The following ABCA13 variants were observed in gnomAD, a reference collection of about 807,000 sequenced individuals.
ABCA13 encodes the protein ATP-binding cassette sub-family A member 13.
In ABCA13, 476 loss-of-function variants were observed where a neutral mutation model predicts 478.7. That is an observed-to-expected ratio of 0.99 (90% CI 0.92 to 1.07). The LOEUF is 1.07. ABCA13 is among the 50% of genes least tolerant of loss of function. The pLI is 0.00. For missense variants in ABCA13, 6,060 were observed against 5,910.6 expected (o/e 1.03, Z -0.83); for synonymous variants, 2,252 against 2,158.9 (o/e 1.04, Z -1.20).
intron 24 of ABCA13, among the ~76,000 whole-genome samples, chr7:48,312,138 G>A (rs777023037): frequency 3.3e-5 from 5 of 152,150 alleles, no homozygotes; most frequent in Admixed American, 2.0e-4. Context: ...CTGTGATCCC[G>A]GAGCCCTGAA....
intron 41 of ABCA13, 140 bp from the exon 42 acceptor site, chr7:48,427,626 A>G (rs553972747): frequency 3.2e-6 from 2 of 615,652 alleles, no homozygotes; most frequent in Admixed American, 5.2e-5. Flanking sequence ...TATGCCAATT[A>G]AATGGATGGC....
At chr7:48,643,415 A>G (rs1795241632) in intron 60 of ABCA13, 22 bp downstream of exon 60, 7 of 1,546,872 alleles carry the variant, frequency 4.5e-6, no homozygotes, top group Non-Finnish European at 6.2e-6. Context: ...ATCTTGTATT[A>G]TTTCTTTGTT....
At chr7:48,580,790 G>A (rs1788629990) in intron 56 of ABCA13, among the ~76,000 whole-genome samples, 1 of 152,110 alleles carries the variant, frequency 6.6e-6, no homozygotes, top group African/African-American at 2.4e-5. Context: ...GGGGACTGCT[G>A]GAAGGAATGA....
intron 45 of ABCA13, among the ~76,000 whole-genome samples, chr7:48,476,404 C>CT (rs911145526): frequency 9.2e-5 from 14 of 152,020 alleles, no homozygotes; most frequent in African/African-American, 3.4e-4. Context: ...GTGAGCAAGA[C>CT]TTTTTTATAT....
At position 48,279,774 on chromosome 7, in the gene ABCA13, T is replaced by C; in HGVS notation, c.8580T>C (p.Asn2860=). The change falls in exon 18 of 62, where the codon AAT becomes AAC. Residue 2860 remains asparagine (N), a synonymous_variant. Transcript: ENST00000435803. The part of the protein sequence containing the change: ...EIFIKATTGK[N]VTSEKEERTK... ...TCATTAAAGCAACCACCGGAAAGAA[T>C]GTCACATCAGAAAAAGAAGAGAGAA... 1 of 1,608,434 alleles carries C rather than the reference T, an allele frequency of 6.2e-7. No individual in the cohort carries two copies.
intron 1 of ABCA13, among the ~76,000 whole-genome samples, chr7:48,189,445 A>G (rs1796801458): frequency 6.6e-6 from 1 of 152,208 alleles, no homozygotes; most frequent in Admixed American, 6.5e-5. Flanking sequence ...AATTCAGAAC[A>G]ATGAAAGATA....
intron 57 of ABCA13, among the ~76,000 whole-genome samples, chr7:48,591,181 A>C (rs1404147634): frequency 2.6e-5 from 4 of 151,742 alleles, no homozygotes; most frequent in Non-Finnish European, 4.4e-5. Context: ...CCGAGTTTTA[A>C]TTTTTTGTAT....
rs750795802 is a variant in ABCA13, at chr7:48,269,037, A to G, written c.2063A>G (p.Asp688Gly). 1.0e-5 allele frequency: 16 copies of G among 1,604,730 alleles called. No homozygotes were observed. The Admixed American group carries it at 2.7e-4, about 27-fold the overall frequency. ...AACATGGATTGGAAAATGATCAGTGATAATTATTTTCAATTTTTGAATAAC... is the reference window on the plus strand; with the variant it reads ...AACATGGATTGGAAAATGATCAGTGGTAATTATTTTCAATTTTTGAATAAC... ...EENMDWKMISDNYFQFLNNLL... is the reference protein window; with the variant it reads ...EENMDWKMISGNYFQFLNNLL... The change falls in exon 16 of 62, where the codon GAT becomes GGT. Residue 688 changes from aspartate to glycine, a missense_variant. By Grantham distance (94) the Asp-to-Gly change is moderately conservative. This residue lies in a region of ABCA13 where 4,423 missense variants were observed against 4,309.1 expected (regional missense o/e 1.03). Transcript: ENST00000435803.
At chr7:48,368,687 G>GTGTATATATA (rs1350848715) in intron 32 of ABCA13, among the ~76,000 whole-genome samples, 1 of 122,740 alleles carries the variant, frequency 8.1e-6, no homozygotes. Context: ...GTGTGTATGT[G>GTGTATATATA]TATATATATA....
chr7:48,643,431 C>A, intron 60 of ABCA13, 38 bp downstream of exon 60: 2 of 1,481,822 alleles, frequency 1.3e-6, no homozygotes, highest in South Asian at 1.2e-5. Context: ...TTGTTTTCAG[C>A]TAAAAAAAAA....
rs199571053 is a variant in ABCA13, at chr7:48,271,898, G to C, written c.2232G>C (p.Leu744Phe). 6 of 1,612,942 alleles carry C rather than the reference G, an allele frequency of 3.7e-6. No homozygotes were observed. In the South Asian group the frequency reaches 5.5e-5, roughly 15 times the overall value. Reference sequence around the variant, plus strand: ...TTGTGGAATTTTTTGAGAAATTATTGTTGCCTAATCTTTTTGACTCCTCCA... The same window carrying C: ...TTGTGGAATTTTTTGAGAAATTATTCTTGCCTAATCTTTTTGACTCCTCCA... ...LSFVEFFEKLLLPNLFDSSIV... is the reference protein window; with the variant it reads ...LSFVEFFEKLFLPNLFDSSIV... The change falls in exon 17 of 62, where the codon TTG (leucine) becomes TTC (phenylalanine). Residue 744 changes from leucine (L) to phenylalanine (F), a missense_variant. Physicochemically the swap from Leu to Phe is conservative, Grantham distance 22. Around this residue, in one of 3 missense-constraint regions of ABCA13, gnomAD observed 4,423 missense variants for 4,309.1 expected, o/e 1.03. Transcript: ENST00000435803.
chr7:48,597,197 G>A (rs577632052), intron 58 of ABCA13, among the ~76,000 whole-genome samples: 3 of 152,234 alleles, frequency 2.0e-5, no homozygotes, highest in South Asian at 2.1e-4. Context: ...TGATCCGCCC[G>A]CCTGGGCCTC....
chr7:48,547,912 A>C (rs1301453048), intron 55 of ABCA13, among the ~76,000 whole-genome samples: 1 of 151,862 alleles, frequency 6.6e-6, no homozygotes, highest in Non-Finnish European at 1.5e-5. Context: ...TTAAACTTAC[A>C]ATAGGTTTAT....
intron 55 of ABCA13, among the ~76,000 whole-genome samples, chr7:48,563,121 A>G (rs1786640982): frequency 6.6e-6 from 1 of 152,122 alleles, no homozygotes; most frequent in South Asian, 2.1e-4. Context: ...TCCAGGCTAT[A>G]AAAAGGTACA....
At position 48,417,285 on chromosome 7, in the gene ABCA13, T is replaced by A. The variant is rs115548493; in HGVS notation, c.12459+4702T>A. ...TGCATTTGTGTCCTAGATGCTTTTT[T>A]TTCATATGCCTCAATCTTTTCAACA... On this transcript the variant is annotated intron_variant, in intron 41 of 61. Coordinates refer to ENST00000435803, the MANE Select transcript of ABCA13 (RefSeq NM_152701.5). 6.7e-3 allele frequency among the ~76,000 whole-genome samples: 1,013 copies of A among 152,282 alleles called. 4 individuals carry two copies. Among genetic ancestry groups the A allele is most frequent in the African/African-American group, 0.023 (949 of 41,560 alleles).
chr7:48,348,868 T>C (rs1016711620), intron 29 of ABCA13, among the ~76,000 whole-genome samples: 5 of 152,216 alleles, frequency 3.3e-5, no homozygotes, highest in Admixed American at 3.3e-4. Flanking sequence ...CAGGGCTGTC[T>C]GGAATTCCTG....
At chr7:48,387,168 T>A (rs1303753625) in intron 35 of ABCA13, among the ~76,000 whole-genome samples, 1 of 152,048 alleles carries the variant, frequency 6.6e-6, no homozygotes, top group Non-Finnish European at 1.5e-5. Flanking sequence ...AATTTAGGCC[T>A]TTAGGTAAGT....
Position 48,274,219 on chromosome 7 carries a change from A to G in ABCA13, c.4553A>G (p.Asn1518Ser), listed in dbSNP as rs768726378. The change falls in exon 17 of 62, where the codon AAT becomes AGT. Residue 1518 changes from asparagine to serine, a missense_variant. Asn to Ser is a conservative substitution (Grantham distance 46). Coordinates refer to ENST00000435803, the MANE Select transcript of ABCA13 (RefSeq NM_152701.5). The part of the protein sequence containing the change: ...TTDFDFASQS[N>S]WRYFTELILR... Reference sequence around the variant, plus strand: ...GACTTTGATTTTGCATCTCAGTCCAATTGGAGATATTTTACTGAATTAATT... The same window carrying G: ...GACTTTGATTTTGCATCTCAGTCCAGTTGGAGATATTTTACTGAATTAATT... 4 of 1,613,080 alleles carry G rather than the reference A, an allele frequency of 2.5e-6. No homozygotes were observed. Among genetic ancestry groups the G allele is most frequent in the Admixed American group, 1.7e-5 (1 of 59,886 alleles).
chr7:48,256,542 A>G (rs535606505), intron 15 of ABCA13, among the ~76,000 whole-genome samples: 7 of 152,194 alleles, frequency 4.6e-5, no homozygotes, highest in African/African-American at 1.7e-4. Flanking sequence ...AGCACCTTTT[A>G]TTGATTAAGG....
Sources: allele counts gnomAD v4.1 joint callset (sites outside exome capture counted in the v4.1 genomes callset), GRCh38; gene constraint gnomAD v4.1.1; regional missense constraint gnomAD v4.1.1; transcripts MANE v1.5; gene names NCBI Gene and HGNC (gene_info 2026-07-23, HGNC 2026-07-21).